The following ANO3 variants were observed in gnomAD, a reference collection of about 807,000 sequenced individuals.
The protein encoded by ANO3 is anoctamin-3.
Under a neutral mutation model 144.8 loss-of-function variants are expected in ANO3, and 99 were observed. That is an observed-to-expected ratio of 0.68 (90% CI 0.58 to 0.81). The LOEUF is 0.81. ANO3 is among the 30% of genes least tolerant of loss of function. The pLI is 0.00. For synonymous variants in ANO3, 414 were observed against 392.6 expected, an observed-to-expected ratio of 1.05 and a Z score of -0.64; for missense variants, 905 against 1,202.2, an observed-to-expected ratio of 0.75 and a Z score of 3.66.
chr11:26,493,587 A>G (rs149576334), intron 4 of ANO3, among the ~76,000 whole-genome samples: 148 of 152,302 alleles, frequency 9.7e-4, no homozygotes, highest in Non-Finnish European at 1.7e-3. Context: ...TTTTATTTCT[A>G]TTCAAATGAT....
intron 18 of ANO3, among the ~76,000 whole-genome samples, chr11:26,632,067 C>T (rs1476655446): frequency 1.3e-5 from 2 of 151,910 alleles, no homozygotes; most frequent in African/African-American, 4.8e-5. Context: ...TGTCGGGCGC[C>T]TGTAATCCCA....
chr11:26,194,200 T>C (rs957680143), intron 1 of ANO3, among the ~76,000 whole-genome samples: 2 of 152,154 alleles, frequency 1.3e-5, no homozygotes, highest in South Asian at 2.1e-4. Flanking sequence ...TCACAATTTA[T>C]ATGAGGCAAA....
Position 26,338,620 on chromosome 11 carries a change from G to A in ANO3, c.46+6299G>A, listed in dbSNP as rs146258482. Among the ~76,000 whole-genome samples, 46 of 152,240 alleles carry A rather than the reference G, an allele frequency of 3.0e-4. 1 individual carries two copies. The East Asian group carries it at 5.6e-3, about 19-fold the overall frequency. On this transcript the variant is annotated intron_variant, in intron 1 of 26. Coordinates refer to ENST00000256737, the MANE Select transcript of ANO3 (RefSeq NM_031418.4). The stretch of plus-strand genomic sequence containing the variant: ...TTGCTGCTGCTCAGTCTTTGGGTCC[G>A]CACTACCTTTATGAACTGTAGCACT...
At chr11:26,542,486 G>A (rs985457958) in intron 11 of ANO3, among the ~76,000 whole-genome samples, 6 of 151,948 alleles carry the variant, frequency 3.9e-5, no homozygotes, top group African/African-American at 1.5e-4. Context: ...CCTTTGAGTG[G>A]TCTAGTACCT....
chr11:26,448,746 TCA>T (rs35219055), intron 3 of ANO3, among the ~76,000 whole-genome samples: 141,063 of 152,178 alleles, frequency 0.93, 65,717 homozygotes, highest in East Asian at 1. Context: ...TATGACAGTC[TCA>T]CAGTCACTGT....
At chr11:26,204,303 C>G (rs1851754646) in intron 1 of ANO3, among the ~76,000 whole-genome samples, 1 of 152,058 alleles carries the variant, frequency 6.6e-6, no homozygotes, top group South Asian at 2.1e-4. Context: ...ATTTACCTTT[C>G]TAAGTACCCA....
At chr11:26,501,973 A>G (rs11029587) in intron 4 of ANO3, among the ~76,000 whole-genome samples, 90,559 of 151,514 alleles carry the variant, frequency 0.6, 27,704 homozygotes, top group East Asian at 0.68. Context: ...TTATCTTGTA[A>G]CAACTCATTA....
chr11:26,580,309 G>A (rs1046985144), intron 14 of ANO3, among the ~76,000 whole-genome samples: 11 of 151,974 alleles, frequency 7.2e-5, no homozygotes, highest in African/African-American at 2.4e-5. Context: ...TCTCTAGCAT[G>A]GTTAATTCTG....
At chr11:26,289,164 A>G (rs1360578794) in intron 1 of ANO3, among the ~76,000 whole-genome samples, 1 of 152,106 alleles carries the variant, frequency 6.6e-6, no homozygotes, top group Non-Finnish European at 1.5e-5. Flanking sequence ...ATAGAGATTT[A>G]TCTGTGTGGG....
chr11:26,602,831 A>G (rs181246902), intron 17 of ANO3, among the ~76,000 whole-genome samples: 12 of 152,030 alleles, frequency 7.9e-5, no homozygotes, highest in Admixed American at 6.5e-5. Flanking sequence ...CCATTGATCA[A>G]CGTCCCCTCA....
At chr11:26,614,776 T>G (rs1852201725) in intron 17 of ANO3, among the ~76,000 whole-genome samples, 1 of 151,824 alleles carries the variant, frequency 6.6e-6, no homozygotes, top group African/African-American at 2.4e-5. Context: ...GAAGAGAGAG[T>G]GGTAGAAGTA....
chr11:26,543,782 A>G (rs967100871), intron 11 of ANO3, among the ~76,000 whole-genome samples: 2 of 152,150 alleles, frequency 1.3e-5, no homozygotes, highest in Non-Finnish European at 2.9e-5. Flanking sequence ...TACAAAGGAC[A>G]TGAACTCATC....
intron 1 of ANO3, among the ~76,000 whole-genome samples, chr11:26,393,296 C>T (rs1856927785): frequency 6.6e-6 from 1 of 152,092 alleles, no homozygotes; most frequent in South Asian, 2.1e-4. Context: ...CAGTACCAAG[C>T]ACATTCCTAT....
chr11:26,609,664 A>G (rs761633137), intron 17 of ANO3, among the ~76,000 whole-genome samples: 5 of 151,818 alleles, frequency 3.3e-5, no homozygotes, highest in Non-Finnish European at 7.4e-5. Flanking sequence ...TGTTGATTCC[A>G]TATCTTCACT....
At chr11:26,482,930 TC>T (rs1860282048) in intron 4 of ANO3, among the ~76,000 whole-genome samples, 1 of 152,188 alleles carries the variant, frequency 6.6e-6, no homozygotes, top group South Asian at 2.1e-4. Context: ...ATGATTTCAC[TC>T]CTTTTTATGG....
chr11:26,299,818 C>CT (rs1338195532), intron 1 of ANO3, among the ~76,000 whole-genome samples: 1 of 152,086 alleles, frequency 6.6e-6, no homozygotes, highest in Admixed American at 6.6e-5. Context: ...TTTATCTAGA[C>CT]TATCAGTCAG....
chr11:26,293,156 G>A (rs1853998985), intron 1 of ANO3, among the ~76,000 whole-genome samples: 1 of 152,012 alleles, frequency 6.6e-6, no homozygotes, highest in Non-Finnish European at 1.5e-5. Context: ...GTTTTGAAAA[G>A]GTAAATTTTT....
At chr11:26,521,548 ATGACC>A (rs2134160594) in intron 6 of ANO3, among the ~76,000 whole-genome samples, 1 of 152,276 alleles carries the variant, frequency 6.6e-6, no homozygotes, top group East Asian at 1.9e-4. Flanking sequence ...TAAAGTAAAT[ATGACC>A]TACATGTTGG....
intron 1 of ANO3, among the ~76,000 whole-genome samples, chr11:26,201,101 T>C (rs113316832): frequency 6.6e-6 from 1 of 152,256 alleles, no homozygotes; most frequent in South Asian, 2.1e-4. Context: ...ACATTCTCCC[T>C]GAATCACAGT....
Sources: gnomAD v4.1 joint callset for allele counts (sites outside exome capture counted in the v4.1 genomes callset) on GRCh38, gnomAD v4.1.1 for gene constraint, MANE v1.5 for transcripts, NCBI Gene and HGNC (gene_info 2026-07-23, HGNC 2026-07-21) for gene names.